The following HSF4 variants were observed in gnomAD, a reference collection of about 807,000 sequenced individuals.
HSF4 encodes the protein heat shock factor protein 4.
In HSF4, 41 loss-of-function variants were observed where a neutral mutation model predicts 52.0. That is an observed-to-expected ratio of 0.79 (90% confidence interval 0.61 to 1.02). The LOEUF is 1.02. HSF4 is among the 50% of genes least tolerant of loss of function. HSF4 has a pLI of 0.00. For missense variants in HSF4, 610 were observed against 651.1 expected (o/e 0.94, Z 0.69); for synonymous variants, 285 against 273.0 (o/e 1.04, Z -0.43).
At chr16:67,168,799 A>C (rs1335429833) in intron 9 of HSF4, 32 bp from the exon 10 acceptor site, 1 of 1,541,614 alleles carries the variant, frequency 6.5e-7, no homozygotes, top group Non-Finnish European at 9.0e-7. Context: ...CGGGGTGGAC[A>C]CTGCAGGCCA....
Position 67,169,327 on chromosome 16 carries a change from G to A in HSF4, c.1303G>A (p.Gly435Arg). The stretch of plus-strand genomic sequence containing the variant: ...GGGTGAGCCTGAGCTGGCGGTCAAG[G>A]GGTTAAATTCTCCAAGCCCAGGTAA... ...ERGEPELAVKGLNSPSPGKDP... is the reference protein window; with the variant it reads ...ERGEPELAVKRLNSPSPGKDP... The change falls in exon 12 of 13, where the codon GGG becomes AGG. Residue 435 changes from glycine to arginine, a missense_variant. Transcript: ENST00000521374. This position sits in a 1 kb window ranked among gnomAD's most constrained non-coding sequence, Gnocchi z 4.3. 15 of 1,613,668 alleles carry A rather than the reference G, an allele frequency of 9.3e-6. No individual in the cohort carries two copies. The highest frequency in any genetic ancestry group is 1.3e-5 in the Non-Finnish European group (15 of 1,179,948).
Position 67,167,461 on chromosome 16 carries a change from C to T in HSF4, c.730-14C>T. ...CCTACAGGCCAAGGGCTGGGCCTAG[C>T]CTTCTACTTACAGCCTCTCCCAGAG... On this transcript the variant is annotated splice_polypyrimidine_tract_variant and intron_variant, in intron 7 of 12. Transcript: ENST00000521374. 4 of 1,613,854 alleles carry T rather than the reference C, an allele frequency of 2.5e-6. No homozygotes were observed. Among genetic ancestry groups the T allele is most frequent in the Non-Finnish European group, 2.5e-6 (3 of 1,180,034 alleles).
At chr16:67,168,389 G>A (rs568425413) in intron 9 of HSF4, among the ~76,000 whole-genome samples, 29 of 152,172 alleles carry the variant, frequency 1.9e-4, no homozygotes, top group Admixed American at 1.2e-3. Flanking sequence ...CAGGACAGTC[G>A]CTTGAACTTG....
In HSF4 at chr16:67,168,843, C is replaced by T; in HGVS notation, c.1095C>T (p.Gly365=). Residue 365 remains glycine, a synonymous_variant, in exon 10 of 13, where the codon GGC becomes GGT. Transcript: ENST00000521374. ...TCTGTCTGCACAGGGGGCCTCTGGGCCTGGAAAGCGGGGACAGGAGCCCAG... is the reference window on the plus strand; with the variant it reads ...TCTGTCTGCACAGGGGGCCTCTGGGTCTGGAAAGCGGGGACAGGAGCCCAG... ...PREIPDRGPL[G]LESGDRSPES... is the part of the protein sequence containing the mutation. The T allele has an allele frequency of 6.2e-7, 1 of 1,613,684 alleles. No individual in the cohort carries two copies. Among genetic ancestry groups the T allele is most frequent in the Non-Finnish European group, 8.5e-7 (1 of 1,179,954 alleles).
In HSF4 at chr16:67,167,709, C is replaced by A. The variant is rs761745498; in HGVS notation, c.855-11C>A. On this transcript the variant is annotated splice_polypyrimidine_tract_variant and intron_variant, in intron 8 of 12. Coordinates refer to ENST00000521374, the MANE Select transcript of HSF4 (RefSeq NM_001374675.1). Reference sequence around the variant, plus strand: ...GTGCCAGGGTCTGGTTGAAGCTTTTCTCTGGTGCAGGGAGAAGGGCCTGGC... The same window carrying A: ...GTGCCAGGGTCTGGTTGAAGCTTTTATCTGGTGCAGGGAGAAGGGCCTGGC... 32 of 1,611,384 alleles carry A rather than the reference C, an allele frequency of 2.0e-5. No homozygotes were observed. Among genetic ancestry groups the A allele is most frequent in the Non-Finnish European group, 2.6e-5 (31 of 1,179,244 alleles).
At position 67,167,888 on chromosome 16, in the gene HSF4, C is replaced by G. The variant is rs777916415; in HGVS notation, c.1023C>G (p.Pro341=). ...AILEGKGSFS[P]EGPRNAQQPE... The stretch of plus-strand genomic sequence containing the variant: ...TGGAAGGGAAAGGGAGCTTCAGCCC[C>G]GAGGGGCCCAGGAATGCCCAACAGC... Residue 341 remains proline (P), a synonymous_variant, in exon 9 of 13, where the codon CCC becomes CCG. Coordinates refer to ENST00000521374, the MANE Select transcript of HSF4 (RefSeq NM_001374675.1). 4 of 1,606,130 alleles carry G rather than the reference C, an allele frequency of 2.5e-6. No individual in the cohort carries two copies. Among genetic ancestry groups the G allele is most frequent in the Non-Finnish European group, 2.5e-6 (3 of 1,177,914 alleles).
At chr16:67,164,545 C>A (rs1339923043), upstream of HSF4, 1 of 645,768 alleles carries the variant, frequency 1.5e-6, no homozygotes, top group Non-Finnish European at 2.9e-6. Flanking sequence ...AAGTCTCCCA[C>A]TCATCTCACC....
chr16:67,167,440 C>CA (rs756349066), intron 7 of HSF4, 35 bp from the exon 8 acceptor site: 1 of 1,613,726 alleles, frequency 6.2e-7, no homozygotes, highest in African/African-American at 1.3e-5. Flanking sequence ...CCTGTGCCTA[C>CA]AGGCCAAGGG....
chr16:67,168,427 C>T (rs2031458595), intron 9 of HSF4, among the ~76,000 whole-genome samples: 1 of 150,384 alleles, frequency 6.6e-6, no homozygotes, highest in African/African-American at 2.5e-5. Flanking sequence ...TTAGCCAAGA[C>T]AGTGCCATAG....
upstream of HSF4, chr16:67,164,678 T>G: frequency 9.1e-7 from 1 of 1,101,210 alleles, no homozygotes; most frequent in Non-Finnish European, 1.2e-6. Context: ...CCCGCGGGCT[T>G]GCACGTGGCC....
intron 8 of HSF4, 35 bp downstream of exon 8, chr16:67,167,634 G>C (rs751005395): frequency 1.2e-5 from 20 of 1,612,284 alleles, no homozygotes; most frequent in African/African-American, 5.3e-5. Flanking sequence ...AGGGGCCTGT[G>C]GGGGAGGGCC....
upstream of HSF4, chr16:67,164,570 TCCACC>T (rs1180583323): frequency 4.3e-5 from 8 of 186,878 alleles, no homozygotes; most frequent in Middle Eastern, 1.4e-3. Flanking sequence ...CCCACCCCAC[TCCACC>T]CCACCCCACC....
At chr16:67,166,107 G>A in intron 4 of HSF4, 37 bp downstream of exon 4, 1 of 1,495,494 alleles carries the variant, frequency 6.7e-7, no homozygotes, top group Non-Finnish European at 9.0e-7. Flanking sequence ...GACAGGGGTG[G>A]GGGGTTCGGG....
Position 67,167,062 on chromosome 16 carries a change from G to A in HSF4, c.627-58G>A, listed in dbSNP as rs545540838. 6.6e-5 allele frequency: 106 copies of A among 1,612,770 alleles called. No individual in the cohort carries two copies. The Admixed American group carries it at 8.7e-4, about 13-fold the overall frequency. On this transcript the variant is annotated intron_variant, in intron 6 of 12. Coordinates refer to ENST00000521374, the MANE Select transcript of HSF4 (RefSeq NM_001374675.1). ...TGAGGGAGGGAGGGAAGTGCAGGCC[G>A]AGGTGCATGGGGGCTGACCCTGCCC...
Position 67,166,090 on chromosome 16 carries a change from A to G in HSF4, c.485+20A>G. The G allele has an allele frequency of 7.6e-7, 1 of 1,322,690 alleles. No individual in the cohort carries two copies. The highest frequency in any genetic ancestry group is 1.0e-6 in the Non-Finnish European group (1 of 957,776). The allele number at this position is 1,322,690 out of a possible 1,614,324, so 81.9% of individuals were successfully genotyped here. On this transcript the variant is annotated intron_variant, in intron 4 of 12. Coordinates refer to ENST00000521374, the MANE Select transcript of HSF4 (RefSeq NM_001374675.1). ...CAGGCAGTGCGGGGGCGGGCGGGGA[A>G]AGAGGGGACAGGGGTGGGGGGTTCG...
intron 5 of HSF4, 48 bp from the exon 6 acceptor site, chr16:67,166,510 G>T (rs138295025): frequency 1.7e-5 from 28 of 1,603,948 alleles, no homozygotes; most frequent in South Asian, 3.3e-5. Flanking sequence ...GTGCGGGGGT[G>T]GGGGGGCTGT....
Position 67,169,361 on chromosome 16 carries a change from A to G in HSF4, c.1324+13A>G, listed in dbSNP as rs1337339696. 3.7e-6 allele frequency: 6 copies of G among 1,611,164 alleles called. No individual in the cohort carries two copies. Among genetic ancestry groups the G allele is most frequent in the Non-Finnish European group, 5.1e-6 (6 of 1,178,884 alleles). ...TCTCCAAGCCCAGGTAATGGTTGTG[A>G]TGACTCCTACCTGGGAGGACGCCGT... On this transcript the variant is annotated intron_variant, in intron 12 of 12. Transcript: ENST00000521374. This position sits in a 1 kb window ranked among gnomAD's most constrained non-coding sequence, Gnocchi z 4.3.
In HSF4 at chr16:67,167,949, T is replaced by C; in HGVS notation, c.1082+2T>C. On this transcript the variant is annotated splice_donor_variant, in intron 9 of 12. Transcript: ENST00000521374. LOFTEE classifies it high-confidence loss of function. ...GGATCCCAGGGAGATACCTGACAGG[T>C]GAGCAGAGCCCCAGCTGGCCCATGA... 1 of 1,583,990 alleles carries C rather than the reference T, an allele frequency of 6.3e-7. No individual in the cohort carries two copies. Among genetic ancestry groups the C allele is most frequent in the Non-Finnish European group, 8.5e-7 (1 of 1,171,144 alleles).
At chr16:67,167,969 C>A (rs903874445) in intron 9 of HSF4, 22 bp downstream of exon 9, 1 of 1,548,546 alleles carries the variant, frequency 6.5e-7, no homozygotes. Context: ...CCCAGCTGGC[C>A]CATGAGCCCT....
Sources: gnomAD v4.1 joint callset for allele counts (sites outside exome capture counted in the v4.1 genomes callset) on GRCh38, gnomAD v4.1.1 for gene constraint, Gnocchi (gnomAD v3.1) non-coding constraint, MANE v1.5 for transcripts, NCBI Gene and HGNC (gene_info 2026-07-23, HGNC 2026-07-21) for gene names.